The following TENM1 variants were observed in gnomAD, a reference collection of about 807,000 sequenced individuals.
The protein encoded by TENM1 is teneurin transmembrane protein 1.
A neutral mutation model predicts 174.8 loss-of-function variants in TENM1; 35 were observed. That is an observed-to-expected ratio of 0.20 (90% confidence interval 0.15 to 0.27). The LOEUF is 0.27. TENM1 is among the 10% of genes least tolerant of loss of function. TENM1 has a pLI of 1.00. For missense variants in TENM1, 1,633 were observed against 2,130.1 expected, an observed-to-expected ratio of 0.77 and a Z score of 4.59; for synonymous variants, 781 against 798.7, an observed-to-expected ratio of 0.98 and a Z score of 0.37.
intron 18 of TENM1, among the ~76,000 whole-genome samples, chrX:124,514,766 C>A (rs1373161953): frequency 9.0e-6 from 1 of 110,924 alleles, no homozygotes; most frequent in African/African-American, 3.3e-5. Flanking sequence ...GAAATTCTAG[C>A]AGATGTACAA....
chrX:125,118,401 C>G, the TENM1 span, among the ~76,000 whole-genome samples: 1 of 111,269 alleles, frequency 9.0e-6, no homozygotes, highest in Non-Finnish European at 1.9e-5. Flanking sequence ...AAGCACTTAG[C>G]TGTTAAAGAA....
At position 124,803,580 on chromosome X, in the gene TENM1, A is replaced by T. The variant is rs1185726687; in HGVS notation, c.536-66383T>A. ...GCACCCTCTCATTTTATACAACAGTACCTATAACAATACTTACCTAGTTGT... is the reference window on the plus strand; with the variant it reads ...GCACCCTCTCATTTTATACAACAGTTCCTATAACAATACTTACCTAGTTGT... On this transcript the variant is annotated intron_variant, in intron 3 of 31. Transcript: ENST00000422452. Among the ~76,000 whole-genome samples, 13 of 112,024 alleles carry T rather than the reference A, an allele frequency of 1.2e-4. No homozygotes were observed. The Admixed American group carries it at 1.2e-3, about 11-fold the overall frequency.
chrX:124,466,100 A>G (rs1184066795), intron 22 of TENM1, among the ~76,000 whole-genome samples: 1 of 111,695 alleles, frequency 9.0e-6, no homozygotes, highest in African/African-American at 3.3e-5. Flanking sequence ...AGTATTAATT[A>G]ATATAATGGC....
the TENM1 span, among the ~76,000 whole-genome samples, chrX:124,988,596 A>C: frequency 3.6e-5 from 4 of 111,684 alleles, no homozygotes; most frequent in Non-Finnish European, 5.7e-5. Flanking sequence ...AAGACATCAC[A>C]AGAAAAATAA....
intron 3 of TENM1, among the ~76,000 whole-genome samples, chrX:124,803,688 C>A (rs1325503827): frequency 8.9e-6 from 1 of 112,387 alleles, no homozygotes; most frequent in Non-Finnish European, 1.9e-5. Flanking sequence ...ACCATGTCTG[C>A]CTCATTCACC....
chrX:124,817,808 C>T (rs2055938171), intron 3 of TENM1, among the ~76,000 whole-genome samples: 1 of 111,724 alleles, frequency 9.0e-6, no homozygotes, highest in African/African-American at 3.3e-5. Context: ...AACATAATCC[C>T]ACCCATACCC....
intron 3 of TENM1, among the ~76,000 whole-genome samples, chrX:124,885,577 G>A (rs894682287): frequency 2.7e-4 from 30 of 110,561 alleles, no homozygotes; most frequent in African/African-American, 9.8e-4. Context: ...CAGGTTGTAT[G>A]GATCCTGATA....
intron 1 of TENM1, among the ~76,000 whole-genome samples, chrX:124,945,832 G>A (rs969368693): frequency 7.2e-5 from 8 of 111,514 alleles, no homozygotes; most frequent in Non-Finnish European, 1.5e-4. Context: ...AAGAATGGAG[G>A]ATCAGTAAAA....
chrX:125,051,938 C>T, the TENM1 span, among the ~76,000 whole-genome samples: 1 of 109,275 alleles, frequency 9.2e-6, no homozygotes, highest in South Asian at 4.0e-4. Context: ...TTTTTGCAAC[C>T]TTCTCATCTG....
At chrX:124,896,324 C>A (rs2057561955) in intron 1 of TENM1, 83 bp from the exon 5 acceptor site, 1 of 1,017,626 alleles carries the variant, frequency 9.8e-7, no homozygotes, top group African/African-American at 1.9e-5. Flanking sequence ...TCTCATTCCC[C>A]TCTCCCCCAT....
rs372778372 is a variant in TENM1 at position 124,915,908 on chromosome X, G to C, written c.218-19667C>G. ...GGCAATAGAGAACAACCAAAGGCTT[G>C]AGGTGGTTCAGAACTGCCTGTCAAA... is the stretch of plus-strand genomic sequence containing the variant. On this transcript the variant is annotated intron_variant, in intron 1 of 31. Coordinates refer to ENST00000422452, the Ensembl canonical transcript of TENM1. Among the ~76,000 whole-genome samples, 11 of 112,462 alleles carry C rather than the reference G, an allele frequency of 9.8e-5. No individual in the cohort carries two copies. In the East Asian group the frequency reaches 2.8e-3, roughly 29 times the overall value.
chrX:124,785,766 G>A lies in TENM1; in HGVS notation c.536-48569C>T, dbSNP rs192543694. ...TGGAAAGGATAATACTTCCTCATGA[G>A]ACCCGATTTGTCAGCCAGTCTCCTG... On this transcript the variant is annotated intron_variant, in intron 3 of 31. Transcript: ENST00000422452. 2.7e-5 allele frequency among the ~76,000 whole-genome samples: 3 copies of A among 111,838 alleles called. No individual in the cohort carries two copies. In the East Asian group the frequency reaches 8.4e-4, roughly 31 times the overall value.
intron 1 of TENM1, among the ~76,000 whole-genome samples, chrX:124,903,641 T>C (rs1258653428): frequency 8.9e-6 from 1 of 112,186 alleles, no homozygotes; most frequent in Non-Finnish European, 1.9e-5. Context: ...GAGCACTTGT[T>C]TTGAAGCTAA....
At chrX:125,058,938 T>C in the TENM1 span, among the ~76,000 whole-genome samples, 1 of 110,306 alleles carries the variant, frequency 9.1e-6, no homozygotes, top group Non-Finnish European at 1.9e-5. Flanking sequence ...TGTGTTTACA[T>C]AGTCGTGCAA....
At chrX:124,890,646 A>T (rs2057459106) in intron 3 of TENM1, among the ~76,000 whole-genome samples, 1 of 111,365 alleles carries the variant, frequency 9.0e-6, no homozygotes, top group Admixed American at 9.6e-5. Flanking sequence ...CACCCCAGTT[A>T]CAATGGCTTT....
At chrX:124,832,845 G>C (rs2056318121) in intron 3 of TENM1, among the ~76,000 whole-genome samples, 1 of 112,284 alleles carries the variant, frequency 8.9e-6, no homozygotes, top group Non-Finnish European at 1.9e-5. Context: ...AAAGTGCAGG[G>C]ATTACAACTG....
At chrX:124,629,771 T>C (rs770240644) in intron 11 of TENM1, among the ~76,000 whole-genome samples, 2 of 112,351 alleles carry the variant, frequency 1.8e-5, no homozygotes, top group African/African-American at 6.5e-5. Flanking sequence ...TATAACATTC[T>C]GATAGTCAAG....
At chrX:124,780,042 A>G (rs182449418) in intron 3 of TENM1, among the ~76,000 whole-genome samples, 329 of 111,977 alleles carry the variant, frequency 2.9e-3, no homozygotes, top group Middle Eastern at 0.014. Context: ...TAAGAGGATC[A>G]TTCTTCCCAG....
chrX:124,907,441 A>G (rs182250730), intron 1 of TENM1, among the ~76,000 whole-genome samples: 18 of 112,287 alleles, frequency 1.6e-4, no homozygotes, highest in African/African-American at 5.5e-4. Flanking sequence ...ATGATAAAGT[A>G]CCATGACAGA....
Sources: gnomAD v4.1 joint callset for allele counts (sites outside exome capture counted in the v4.1 genomes callset) on GRCh38, gnomAD v4.1.1 for gene constraint, MANE v1.5 for transcripts, NCBI Gene and HGNC (gene_info 2026-07-23, HGNC 2026-07-21) for gene names.